Variants in RALYL observed in about 807,000 individuals in gnomAD.
RALYL encodes RALY RNA binding protein like.
Under a neutral mutation model 35.1 loss-of-function variants are expected in RALYL, and 29 were observed. That is an observed-to-expected ratio of 0.83 (90% CI 0.61 to 1.13). The LOEUF (loss-of-function observed/expected upper bound fraction) is 1.13. RALYL is among the 50% of genes most tolerant of loss of function. The pLI is 0.00. For missense variants in RALYL, 359 were observed against 360.4 expected, an observed-to-expected ratio of 1.00 and a Z score of 0.03; for synonymous variants, 120 against 127.6, an observed-to-expected ratio of 0.94 and a Z score of 0.40.
At chr8:84,571,113 T>A (rs75219365) in intron 2 of RALYL, among the ~76,000 whole-genome samples, 2 of 151,704 alleles carry the variant, frequency 1.3e-5, no homozygotes, top group Non-Finnish European at 3.0e-5. Context: ...CTCTTTTTTG[T>A]CTGATTTTGG....
chr8:84,436,795 T>C (rs1450667631), intron 1 of RALYL, among the ~76,000 whole-genome samples: 2 of 151,510 alleles, frequency 1.3e-5, no homozygotes, highest in Non-Finnish European at 2.9e-5. Flanking sequence ...AAAGTTTCTA[T>C]GTGCCCCATC....
rs979258706 is a variant in RALYL at position 84,260,130 on chromosome 8, T to C, written c.-24+75706T>C. 2.0e-5 allele frequency among the ~76,000 whole-genome samples: 3 copies of C among 152,298 alleles called. No individual in the cohort carries two copies. The East Asian group carries it at 5.8e-4, about 29-fold the overall frequency. On this transcript the variant is annotated intron_variant, in intron 1 of 8. Transcript: ENST00000521268. Reference sequence around the variant, plus strand: ...AGAGTTAAGACCATGTGAGAAAAGTTAACCGATTATTTCTGATACTTTTTT... The same window carrying C: ...AGAGTTAAGACCATGTGAGAAAAGTCAACCGATTATTTCTGATACTTTTTT...
chr8:84,236,974 G>A (rs1826731528), intron 1 of RALYL, among the ~76,000 whole-genome samples: 1 of 152,122 alleles, frequency 6.6e-6, no homozygotes, highest in Non-Finnish European at 1.5e-5. Context: ...CTTAGATGGT[G>A]AACCATCTAG....
At chr8:84,187,409 A>T (rs760272055) in intron 1 of RALYL, among the ~76,000 whole-genome samples, 1 of 152,072 alleles carries the variant, frequency 6.6e-6, no homozygotes, top group East Asian at 1.9e-4. Flanking sequence ...ACAGTTAATT[A>T]TTTTTCATAT....
chr8:84,481,987 A>G (rs1001756170), intron 1 of RALYL, among the ~76,000 whole-genome samples: 34 of 152,266 alleles, frequency 2.2e-4, no homozygotes, highest in African/African-American at 8.2e-4. Context: ...GTAAAAGAGA[A>G]AAAGCAAACT....
rs769845435 is a variant in RALYL at position 84,403,524 on chromosome 8, G to GTTTTTTT, written c.-23-125751_-23-125745dup. On this transcript the variant is annotated intron_variant, in intron 1 of 8. Coordinates refer to ENST00000521268, the MANE Select transcript of RALYL (RefSeq NM_173848.7). The stretch of plus-strand genomic sequence containing the variant: ...TTCTGTTCCATTGGTCTATATCTCT[G>GTTTTTTT]TTTTTTTTTTTTTTTTTTTTTTTTT... Among the ~76,000 whole-genome samples, 40 of 39,478 alleles carry GTTTTTTT rather than the reference G, an allele frequency of 1.0e-3. 8 individuals are homozygous for GTTTTTTT. The highest frequency in any genetic ancestry group is 2.4e-3 in the Admixed American group (6 of 2,498). 25.9% of individuals were successfully genotyped at this position (39,478 alleles called of 152,430 possible). A position where few individuals can be genotyped will look rare whatever the true frequency, so the allele number is the denominator to read the frequency against.
At chr8:84,833,408 C>T (rs1423205307) in intron 4 of RALYL, among the ~76,000 whole-genome samples, 2 of 151,906 alleles carry the variant, frequency 1.3e-5, no homozygotes, top group African/African-American at 2.4e-5. Flanking sequence ...GAGGCCAAGG[C>T]GGCTAGATCA....
chr8:84,558,401 T>A (rs1403982607), intron 2 of RALYL, among the ~76,000 whole-genome samples: 1 of 152,160 alleles, frequency 6.6e-6, no homozygotes, highest in East Asian at 1.9e-4. Context: ...TCTGCAAAAC[T>A]GACAGTTAAA....
At chr8:84,247,938 A>G (rs2131634198) in intron 1 of RALYL, among the ~76,000 whole-genome samples, 1 of 152,264 alleles carries the variant, frequency 6.6e-6, no homozygotes, top group Non-Finnish European at 1.5e-5. Context: ...GTATTATGTC[A>G]AAGGAATATA....
At chr8:84,803,114 A>ACTT (rs1823741957) in intron 3 of RALYL, among the ~76,000 whole-genome samples, 1 of 152,218 alleles carries the variant, frequency 6.6e-6, no homozygotes, top group African/African-American at 2.4e-5. Context: ...GGAGAGTAGC[A>ACTT]CTTCAAACAA....
At chr8:84,595,470 G>T (rs1432277820) in intron 2 of RALYL, among the ~76,000 whole-genome samples, 1 of 152,120 alleles carries the variant, frequency 6.6e-6, no homozygotes. Flanking sequence ...CTACAGTGTA[G>T]GTTTGGAGTC....
intron 4 of RALYL, among the ~76,000 whole-genome samples, chr8:84,812,691 T>A (rs1488831584): frequency 2.6e-5 from 4 of 151,924 alleles, no homozygotes; most frequent in Admixed American, 6.6e-5. Context: ...GTCAGAGAAG[T>A]GGGAGAAAAC....
chr8:84,856,997 C>T (rs1373465442), intron 5 of RALYL, among the ~76,000 whole-genome samples: 1 of 139,288 alleles, frequency 7.2e-6, no homozygotes, highest in Non-Finnish European at 1.5e-5. Context: ...CACTGCAGTC[C>T]GCAGTCCGGC....
chr8:84,244,835 G>T lies in RALYL; in HGVS notation c.-24+60411G>T, dbSNP rs538480956. Among the ~76,000 whole-genome samples, 14 of 152,260 alleles carry T rather than the reference G, an allele frequency of 9.2e-5. No individual in the cohort carries two copies. In the South Asian group the frequency reaches 1.7e-3, roughly 18 times the overall value. On this transcript the variant is annotated intron_variant, in intron 1 of 8. Transcript: ENST00000521268. ...TGAAGGTGGATTCTTGCTGTTAGTT[G>T]GGACTTGTGAAGATGGTGAAGGGTC...
chr8:84,806,580 AT>A (rs895981122), intron 4 of RALYL, among the ~76,000 whole-genome samples: 8 of 151,908 alleles, frequency 5.3e-5, no homozygotes, highest in African/African-American at 1.7e-4. Context: ...AAAAAAAAAA[AT>A]ACTGTATCGC....
intron 8 of RALYL, among the ~76,000 whole-genome samples, chr8:84,900,399 G>A (rs181808185): frequency 4.9e-4 from 75 of 152,234 alleles, no homozygotes; most frequent in Admixed American, 4.8e-3. Flanking sequence ...TCTCCCGGCT[G>A]GGTGCGGTGG....
intron 2 of RALYL, among the ~76,000 whole-genome samples, chr8:84,543,504 TAA>T (rs11286987): frequency 2.0e-5 from 3 of 150,712 alleles, no homozygotes; most frequent in East Asian, 2.0e-4. Flanking sequence ...ATAAAAAAAA[TAA>T]AAAAAAACAA....
chr8:84,765,568 T>C (rs891469118), intron 2 of RALYL, among the ~76,000 whole-genome samples: 2 of 152,198 alleles, frequency 1.3e-5, no homozygotes, highest in African/African-American at 4.8e-5. Context: ...TGTGCTTATT[T>C]CACAGGGTTG....
At chr8:84,400,242 C>T (rs993389845) in intron 1 of RALYL, among the ~76,000 whole-genome samples, 7 of 152,100 alleles carry the variant, frequency 4.6e-5, no homozygotes, top group Non-Finnish European at 8.8e-5. Context: ...ATTTATGTTT[C>T]GTATACACGT....
Sources: gnomAD v4.1 joint callset for allele counts (sites outside exome capture counted in the v4.1 genomes callset) on GRCh38, gnomAD v4.1.1 for gene constraint, MANE v1.5 for transcripts, NCBI Gene and HGNC (gene_info 2026-07-23, HGNC 2026-07-21) for gene names.